The following PALMD variants were observed in gnomAD, a reference collection of about 807,000 sequenced individuals.
The protein encoded by PALMD is paralemmin-like protein.
A neutral mutation model predicts 56.2 loss-of-function variants in PALMD; 42 were observed. The ratio of observed to expected loss-of-function variants is 0.75; its 90% CI spans 0.58 to 0.97. The LOEUF (loss-of-function observed/expected upper bound fraction) is 0.97, where lower values mean the gene tolerates loss of function less well. Ranked by LOEUF, PALMD falls within the 50% of genes least tolerant of loss-of-function variation. The pLI is 0.00. For synonymous variants in PALMD, 242 were observed against 222.9 expected, an observed-to-expected ratio of 1.09 and a Z score of -0.76; for missense variants, 660 against 643.8, an observed-to-expected ratio of 1.03 and a Z score of -0.27.
intron 3 of PALMD, chr1:99,668,014 G>A (rs1653005478): frequency 2.6e-6 from 1 of 390,456 alleles, no homozygotes; most frequent in African/African-American, 2.0e-5. Flanking sequence ...GAGTAGCTAG[G>A]ATGATGGGCA....
chr1:99,650,553 TCTTGTTCC>T (rs1350749977), intron 1 of PALMD, among the ~76,000 whole-genome samples: 1 of 152,160 alleles, frequency 6.6e-6, no homozygotes, highest in Non-Finnish European at 1.5e-5. Flanking sequence ...CTCTACCTCA[TCTTGTTCC>T]CTTTTTGTCA....
rs1203535852 is a variant in PALMD, at chr1:99,689,564, G to A, written c.1304G>A (p.Gly435Glu). 3 of 1,613,722 alleles carry A rather than the reference G, an allele frequency of 1.9e-6. No homozygotes were observed. The highest frequency in any genetic ancestry group is 2.5e-6 in the Non-Finnish European group (3 of 1,179,820). ...GAAGAAGATAAGAAGTTTCTGACAG[G>A]ATATGATGGGATCATCCATGCTGAG... ...DSEEDKKFLT[G>E]YDGIIHAELV... The change falls in exon 7 of 8, where the codon GGA becomes GAA. Residue 435 changes from glycine (G) to glutamate (E), a missense_variant. By Grantham distance (98) the Gly-to-Glu change is moderately conservative. Transcript: ENST00000263174.
At chr1:99,667,442 G>T in intron 2 of PALMD, 200 bp from the exon 3 acceptor site, 2 of 555,618 alleles carry the variant, frequency 3.6e-6, no homozygotes, top group South Asian at 4.3e-5. Flanking sequence ...ATGGGATTTA[G>T]ATGCATAAAA....
At position 99,689,081 on chromosome 1, in the gene PALMD, G is replaced by A. The variant is rs777288119; in HGVS notation, c.821G>A (p.Arg274Lys). ...NPFYRPTTPQ[R>K]ETVTPGPNFQ... ...TTTTACAGGCCTACAACCCCACAGA[G>A]AGAAACGGTGACCCCTGGACCAAAC... The change falls in exon 7 of 8, where the codon AGA becomes AAA. Residue 274 changes from arginine (R) to lysine (K), a missense_variant. Transcript: ENST00000263174. 7.4e-6 allele frequency: 12 copies of A among 1,613,594 alleles called. No homozygotes were observed. In the South Asian group the frequency reaches 1.1e-4, roughly 15 times the overall value.
At position 99,694,296 on chromosome 1, in the gene PALMD, C is replaced by T. The variant is rs1033918899; in HGVS notation, c.*234C>T. ...CTTGACACGATTCAGTGGGGGAAAA[C>T]CAGCATTTTTTATTCTATTGATACC... On this transcript the variant is annotated 3_prime_UTR_variant, in exon 8 of 8. Transcript: ENST00000263174. 1 of 379,830 alleles carries T rather than the reference C, an allele frequency of 2.6e-6. No individual in the cohort carries two copies. Among genetic ancestry groups the T allele is most frequent in the Non-Finnish European group, 4.8e-6 (1 of 207,462 alleles). The allele number at this position is 379,830 out of a possible 1,614,324, so 23.5% of individuals were successfully genotyped here.
At chr1:99,688,247 C>T (rs1412466385) in intron 6 of PALMD, among the ~76,000 whole-genome samples, 1 of 152,090 alleles carries the variant, frequency 6.6e-6, no homozygotes, top group Non-Finnish European at 1.5e-5. Flanking sequence ...ACAGCCTCTC[C>T]ACTGTGAAAA....
At chr1:99,686,883 C>T in intron 4 of PALMD, 47 bp from the exon 5 acceptor site, 14 of 1,424,628 alleles carry the variant, frequency 9.8e-6, no homozygotes, top group Non-Finnish European at 1.4e-5. Context: ...CATTTAGATT[C>T]TATTTTTTAA....
At chr1:99,693,411 A>G (rs1030360164) in intron 7 of PALMD, among the ~76,000 whole-genome samples, 1 of 152,346 alleles carries the variant, frequency 6.6e-6, no homozygotes, top group Non-Finnish European at 1.5e-5. Context: ...TCTACATTCA[A>G]TATATTATTA....
chr1:99,677,702 A>G (rs986541632), intron 3 of PALMD, among the ~76,000 whole-genome samples: 16 of 152,164 alleles, frequency 1.1e-4, no homozygotes, highest in Admixed American at 9.2e-4. Context: ...GGACACTGGG[A>G]AATGTAGTCC....
At chr1:99,650,043 G>C (rs1652529874) in intron 1 of PALMD, among the ~76,000 whole-genome samples, 1 of 152,264 alleles carries the variant, frequency 6.6e-6, no homozygotes, top group East Asian at 1.9e-4. Flanking sequence ...TGGAATGTGA[G>C]GAGTGGGGAT....
chr1:99,649,382 AT>A (rs1408250644), intron 1 of PALMD, among the ~76,000 whole-genome samples: 5 of 152,222 alleles, frequency 3.3e-5, no homozygotes, highest in African/African-American at 4.8e-5. Context: ...GCTAATTGGA[AT>A]TCAATAGTAT....
At chr1:99,688,744 T>C in intron 6 of PALMD, 31 bp from the exon 7 acceptor site, 1 of 1,476,406 alleles carries the variant, frequency 6.8e-7, no homozygotes, top group Non-Finnish European at 9.2e-7. Context: ...AAAAGTTAAC[T>C]AAATCAAAGA....
chr1:99,680,866 T>A (rs544478495), intron 3 of PALMD, among the ~76,000 whole-genome samples: 38 of 151,316 alleles, frequency 2.5e-4, no homozygotes, highest in African/African-American at 9.0e-4. Flanking sequence ...ATATATATAT[T>A]GCCTTCTGGA....
Position 99,694,041 on chromosome 1 carries a change from G to T in PALMD, c.1635G>T (p.Lys545Asn), listed in dbSNP as rs1557677177. 2 of 1,603,304 alleles carry T rather than the reference G, an allele frequency of 1.2e-6. No homozygotes were observed. Among genetic ancestry groups the T allele is most frequent in the Non-Finnish European group, 1.7e-6 (2 of 1,172,872 alleles). The change falls in exon 8 of 8, where the codon AAG (lysine) becomes AAT (asparagine). Residue 545 changes from lysine (K) to asparagine (N), a missense_variant. Coordinates refer to ENST00000263174, the MANE Select transcript of PALMD (RefSeq NM_017734.5). ...CAGCTTTAAGGATGAGAATGGCAAA[G>T]CTGGGAAAAAAGGTGATCTAAGAGT... Reference protein sequence around the residue: ...SLTALRMRMAKLGKKVI With the variant: ...SLTALRMRMANLGKKVI
chr1:99,671,694 A>G (rs1220451801), intron 3 of PALMD, among the ~76,000 whole-genome samples: 2 of 152,192 alleles, frequency 1.3e-5, no homozygotes, highest in East Asian at 1.9e-4. Context: ...CTTAAAGTCT[A>G]GAATGCTACC....
intron 3 of PALMD, among the ~76,000 whole-genome samples, chr1:99,678,660 A>G (rs911823661): frequency 6.6e-6 from 1 of 151,902 alleles, no homozygotes; most frequent in Non-Finnish European, 1.5e-5. Context: ...TCACAAAAAA[A>G]CTCACAAAAT....
intron 3 of PALMD, chr1:99,684,910 C>G (rs1294954781): frequency 6.6e-6 from 1 of 152,176 alleles, no homozygotes; most frequent in African/African-American, 2.4e-5. Context: ...CACCTGATTC[C>G]ACAGCTAGGC....
At position 99,683,188 on chromosome 1, in the gene PALMD, G is replaced by C. The variant is rs975030249; in HGVS notation, c.252-3488G>C. The C allele has an allele frequency of 5.9e-5, 9 of 151,548 alleles. 1 individual carries two copies. The highest frequency in any genetic ancestry group is 1.0e-4 in the Non-Finnish European group (7 of 67,906). 9.4% of individuals were successfully genotyped at this position (151,548 alleles called of 1,614,324 possible). ...AAAGAAACGAACACCCTATGAAGTT[G>C]TTAACATTGACCAGATCTCTAAATG... On this transcript the variant is annotated intron_variant, in intron 3 of 7. Coordinates refer to ENST00000263174, the MANE Select transcript of PALMD (RefSeq NM_017734.5).
At chr1:99,672,105 C>T (rs956326779) in intron 3 of PALMD, among the ~76,000 whole-genome samples, 1 of 152,208 alleles carries the variant, frequency 6.6e-6, no homozygotes. Context: ...GGTACCCTGA[C>T]TCACACATAA....
Sources: gnomAD v4.1 joint callset for allele counts (sites outside exome capture counted in the v4.1 genomes callset) on GRCh38, gnomAD v4.1.1 for gene constraint, MANE v1.5 for transcripts, NCBI Gene and HGNC (gene_info 2026-07-23, HGNC 2026-07-21) for gene names.